Variants in MMP26 observed in about 807,000 individuals in gnomAD.
MMP26 encodes the protein matrix metallopeptidase 26.
MMP26 carries 33 observed loss-of-function variants against 31.0 expected under a neutral mutation model. The observed-to-expected ratio is 1.06, with a 90% CI of 0.81 to 1.42. The LOEUF (loss-of-function observed/expected upper bound fraction) is 1.42, where lower values mean the gene tolerates loss of function less well. MMP26 is among the 40% of genes most tolerant of loss of function. The pLI is 0.00. For missense variants in MMP26, 347 were observed against 316.1 expected (o/e 1.10, Z -0.74); for synonymous variants, 122 against 114.9 (o/e 1.06, Z -0.40).
chr11:4,879,950 G>T lies in MMP26; in HGVS notation c.-144-108118G>T, dbSNP rs1212496137. On this transcript the variant is annotated intron_variant, in intron 2 of 7. Coordinates refer to ENST00000380390, the MANE Select transcript of MMP26 (RefSeq NM_021801.5). ...ATTCCTTAGCCTAAGGCTGGGTAAA[G>T]AGGAATGGTTATAGTTATTTGACCC... 2.0e-5 allele frequency among the ~76,000 whole-genome samples: 3 copies of T among 152,152 alleles called. No individual in the cohort carries two copies. In the East Asian group the frequency reaches 5.8e-4, roughly 29 times the overall value.
At chr11:4,884,551 G>A (rs1409525467) in intron 2 of MMP26, among the ~76,000 whole-genome samples, 10 of 152,110 alleles carry the variant, frequency 6.6e-5, no homozygotes, top group Non-Finnish European at 1.5e-4. Context: ...ATCATACTAT[G>A]GCAGAGTCTC....
At chr11:4,803,560 A>T in intron 2 of MMP26, 1 of 1,613,960 alleles carries the variant, frequency 6.2e-7, no homozygotes, top group Non-Finnish European at 8.5e-7. Context: ...GATGTGTACA[A>T]CTCGGGGCAC....
At chr11:4,721,392 A>G (rs1181850898) in intron 1 of MMP26, among the ~76,000 whole-genome samples, 5 of 152,076 alleles carry the variant, frequency 3.3e-5, no homozygotes. Flanking sequence ...TTTCTTGGGG[A>G]TGTTTTCTCT....
intron 2 of MMP26, chr11:4,882,756 C>T (rs1291667734): frequency 1.2e-6 from 2 of 1,613,902 alleles, no homozygotes; most frequent in Non-Finnish European, 1.7e-6. Context: ...CTGCTCTTAC[C>T]ACCTGTGCTG....
chr11:4,789,726 G>A (rs1044470173), intron 2 of MMP26, among the ~76,000 whole-genome samples: 2 of 151,090 alleles, frequency 1.3e-5, no homozygotes, highest in African/African-American at 4.9e-5. Context: ...ATTTTTAGTA[G>A]AGACGGGGTT....
chr11:4,818,545 C>G (rs1463512954), intron 2 of MMP26, among the ~76,000 whole-genome samples: 1 of 151,846 alleles, frequency 6.6e-6, no homozygotes, highest in Non-Finnish European at 1.5e-5. Context: ...TTAACTCATT[C>G]ATTTGTGCCT....
At chr11:4,753,413 G>A (rs1848470452) in intron 1 of MMP26, among the ~76,000 whole-genome samples, 1 of 151,920 alleles carries the variant, frequency 6.6e-6, no homozygotes, top group African/African-American at 2.4e-5. Context: ...ACATTTATTT[G>A]ATGTTTACCA....
intron 2 of MMP26, chr11:4,882,118 A>G (rs772401616): frequency 1.2e-6 from 2 of 1,613,894 alleles, no homozygotes; most frequent in South Asian, 1.1e-5. Context: ...CTGTTGATCT[A>G]TGTCTGACCA....
chr11:4,706,602 CAGAAAGAA>C (rs1227145013), intron 1 of MMP26, among the ~76,000 whole-genome samples: 5 of 109,106 alleles, frequency 4.6e-5, no homozygotes, highest in African/African-American at 1.4e-4. Flanking sequence ...AAAAAAAAGA[CAGAAAGAA>C]AGAAAGAAAG....
At chr11:4,826,274 T>A (rs1236123324) in intron 2 of MMP26, among the ~76,000 whole-genome samples, 1 of 151,944 alleles carries the variant, frequency 6.6e-6, no homozygotes, top group African/African-American at 2.4e-5. Context: ...TTTCTAGGAG[T>A]ATAATGCGTT....
intron 1 of MMP26, among the ~76,000 whole-genome samples, chr11:4,718,065 G>A (rs990844896): frequency 2.6e-5 from 4 of 152,126 alleles, no homozygotes; most frequent in Admixed American, 1.3e-4. Context: ...TAGACTGTAT[G>A]CTTGTCCAGG....
chr11:4,783,876 C>T lies in MMP26; in HGVS notation c.-145+16535C>T, dbSNP rs908572623. 8.5e-5 allele frequency among the ~76,000 whole-genome samples: 13 copies of T among 152,142 alleles called. 1 individual carries two copies. Among genetic ancestry groups the T allele is most frequent in the African/African-American group, 3.1e-4 (13 of 41,404 alleles). ...CCATCCATGTAAGATGTGACTTGCT[C>T]CTCGTCTTCCACTATGATTGTGAGG... On this transcript the variant is annotated intron_variant, in intron 2 of 7. Transcript: ENST00000380390.
At chr11:4,939,084 G>A (rs766014529) in intron 2 of MMP26, among the ~76,000 whole-genome samples, 10 of 151,988 alleles carry the variant, frequency 6.6e-5, no homozygotes, top group South Asian at 2.1e-4. Flanking sequence ...CTTCAGGCAC[G>A]TAATCTAGTC....
chr11:4,893,153 T>C (rs966745315), intron 2 of MMP26, among the ~76,000 whole-genome samples: 1 of 152,106 alleles, frequency 6.6e-6, no homozygotes, highest in African/African-American at 2.4e-5. Context: ...TAGTATAATA[T>C]ACATACTACA....
At chr11:4,853,470 A>C (rs1850003723) in intron 2 of MMP26, among the ~76,000 whole-genome samples, 1 of 152,210 alleles carries the variant, frequency 6.6e-6, no homozygotes, top group South Asian at 2.1e-4. Context: ...ACCCTTAGCA[A>C]GCCTTAAAGA....
chr11:4,722,905 A>G (rs1402992165), intron 1 of MMP26: 1 of 788,602 alleles, frequency 1.3e-6, no homozygotes, highest in East Asian at 2.4e-5. Flanking sequence ...TGAGGCCCCC[A>G]TAGGCCGAGC....
intron 2 of MMP26, chr11:4,882,077 C>T: frequency 2.5e-6 from 4 of 1,613,934 alleles, no homozygotes; most frequent in Non-Finnish European, 3.4e-6. Flanking sequence ...ACTCCACAAA[C>T]CCATGTATTA....
At chr11:4,914,024 A>C (rs995446117) in intron 2 of MMP26, 4 of 152,226 alleles carry the variant, frequency 2.6e-5, no homozygotes, top group African/African-American at 4.8e-5. Context: ...TAGTGTCTTA[A>C]AAATATTTAT....
chr11:4,988,935 G>C (rs1465244715), intron 3 of MMP26, among the ~76,000 whole-genome samples: 2 of 152,074 alleles, frequency 1.3e-5, no homozygotes, highest in East Asian at 3.9e-4. Flanking sequence ...GCATAAAAAT[G>C]CAGTCATATA....
Sources: gnomAD v4.1 joint callset for allele counts (sites outside exome capture counted in the v4.1 genomes callset) on GRCh38, gnomAD v4.1.1 for gene constraint, MANE v1.5 for transcripts, NCBI Gene and HGNC (gene_info 2026-07-23, HGNC 2026-07-21) for gene names.